Variants in ARPC4 observed in about 807,000 individuals in gnomAD.
ARPC4 encodes actin-related protein 2/3 complex subunit 4.
Under a neutral mutation model 22.8 loss-of-function variants are expected in ARPC4, and 3 were observed. That is an observed-to-expected ratio of 0.13 (90% CI 0.06 to 0.34). The LOEUF is 0.34. ARPC4 is among the 10% of genes least tolerant of loss of function. ARPC4 has a pLI of 1.00. For synonymous variants in ARPC4, 80 were observed against 72.5 expected (o/e 1.10, Z -0.52); for missense variants, 98 against 211.0 (o/e 0.46, Z 3.32).
intron 4 of ARPC4, 67 bp downstream of exon 4, chr3:9,801,823 T>C: frequency 8.2e-6 from 12 of 1,463,392 alleles, no homozygotes; most frequent in South Asian, 6.4e-5. Context: ...TGGGATTGTT[T>C]CTAGAACCAG....
intron 5 of ARPC4, among the ~76,000 whole-genome samples, chr3:9,804,913 G>T: frequency 6.6e-6 from 1 of 152,198 alleles, no homozygotes; most frequent in Non-Finnish European, 1.5e-5. Context: ...AGGCTCCACC[G>T]CCTACTCAGG....
intron 1 of ARPC4, among the ~76,000 whole-genome samples, chr3:9,796,769 G>C (rs189066063): frequency 2.0e-5 from 3 of 151,792 alleles, no homozygotes; most frequent in East Asian, 1.9e-4. Flanking sequence ...GTGAAACCCT[G>C]TCTCTACTAA....
At chr3:9,796,441 TAATA>T (rs2078888659) in intron 1 of ARPC4, among the ~76,000 whole-genome samples, 1 of 152,190 alleles carries the variant, frequency 6.6e-6, no homozygotes, top group Non-Finnish European at 1.5e-5. Flanking sequence ...TTGTCAATTG[TAATA>T]AATACTTTAT....
At chr3:9,797,933 G>C (rs2078929716) in intron 2 of ARPC4, 156 bp downstream of exon 2, 2 of 796,704 alleles carry the variant, frequency 2.5e-6, no homozygotes, top group African/African-American at 1.7e-5. Context: ...CCAATTTGGA[G>C]TTAAGAAAAT....
At chr3:9,801,215 A>G (rs1231093439) in intron 3 of ARPC4, among the ~76,000 whole-genome samples, 2 of 133,718 alleles carry the variant, frequency 1.5e-5, no homozygotes, top group African/African-American at 6.7e-5. Context: ...CATCTCAGAA[A>G]AAAAAAAAAA....
chr3:9,797,601 C>T (rs571685591), intron 1 of ARPC4, 58 bp from the exon 2 acceptor site: 48 of 1,567,418 alleles, frequency 3.1e-5, no homozygotes, highest in Non-Finnish European at 3.5e-5. Context: ...AATAGGGGAT[C>T]GGTGGGTTTG....
At chr3:9,801,134 C>T (rs1286200687) in intron 3 of ARPC4, among the ~76,000 whole-genome samples, 2 of 142,358 alleles carry the variant, frequency 1.4e-5, no homozygotes, top group South Asian at 2.4e-4. Flanking sequence ...TCGCTTGAAC[C>T]CGGGAGGCAG....
chr3:9,804,138 C>T lies in ARPC4; in HGVS notation c.501+125C>T, dbSNP rs898749664. 1.7e-5 allele frequency: 18 copies of T among 1,086,898 alleles called. No individual in the cohort carries two copies. The African/African-American group carries it at 2.5e-4, about 15-fold the overall frequency. The allele number at this position is 1,086,898 out of a possible 1,614,324, so 67.3% of individuals were successfully genotyped here. ...TATATCTCCTGAGCTCTCTAGGACC[C>T]CTGGGGCACAGCAGGTCAGTCAGGT... On this transcript the variant is annotated intron_variant, in intron 5 of 5. Coordinates refer to ENST00000397261, the MANE Select transcript of ARPC4 (RefSeq NM_005718.5).
chr3:9,801,877 C>A, intron 4 of ARPC4, 121 bp downstream of exon 4: 2 of 1,039,840 alleles, frequency 1.9e-6, no homozygotes, highest in Non-Finnish European at 2.7e-6. Context: ...TGAGAGTTGG[C>A]CTTCATCTTG....
chr3:9,806,516 CTTTTTTTTTT>C lies in ARPC4; in HGVS notation c.*313_*322del, dbSNP rs55966635. On this transcript the variant is annotated 3_prime_UTR_variant, in exon 6 of 6. Coordinates refer to ENST00000397261, the MANE Select transcript of ARPC4 (RefSeq NM_005718.5). ...TTGTAGGATACTGTAACCTTTTTGT[CTTTTTTTTTT>C]TTTTTTTTTTTAAACCTCCACCTCC... The C allele has an allele frequency of 8.6e-6, 2 of 232,370 alleles. No homozygotes were observed. Among genetic ancestry groups the C allele is most frequent in the African/African-American group, 5.6e-5 (2 of 35,904 alleles). 14.4% of individuals were successfully genotyped at this position (232,370 alleles called of 1,614,324 possible).
intron 2 of ARPC4, 32 bp from the exon 3 acceptor site, chr3:9,800,153 A>G (rs774210923): frequency 6.2e-7 from 1 of 1,610,064 alleles, no homozygotes; most frequent in South Asian, 1.1e-5. Flanking sequence ...ATCCCTCTGT[A>G]GTACAAGTAC....
chr3:9,803,193 G>C (rs1212634988), intron 4 of ARPC4, among the ~76,000 whole-genome samples: 1 of 152,178 alleles, frequency 6.6e-6, no homozygotes, highest in Non-Finnish European at 1.5e-5. Flanking sequence ...CACTGAATCA[G>C]TCTCTTAAAG....
intron 2 of ARPC4, among the ~76,000 whole-genome samples, chr3:9,799,432 C>T (rs189242819): frequency 1.6e-4 from 25 of 151,748 alleles, no homozygotes; most frequent in South Asian, 1.2e-3. Flanking sequence ...TGTCAGCACT[C>T]GGAAACTTTC....
At chr3:9,792,598 G>C (rs981450965), upstream of ARPC4, 17 of 1,230,424 alleles carry the variant, frequency 1.4e-5, no homozygotes, top group African/African-American at 1.6e-5. Flanking sequence ...TGGGGTGCGG[G>C]TGGTCGGCCT....
intron 2 of ARPC4, among the ~76,000 whole-genome samples, chr3:9,798,873 AAAAATAAAAT>A (rs5846647): frequency 0.41 from 62,185 of 150,852 alleles, 13,943 homozygotes; most frequent in Non-Finnish European, 0.5. Flanking sequence ...ACTTCGTCTC[AAAAATAAAAT>A]AAAATAAAAT....
At chr3:9,792,617 CCCCGGGGCACAG>C, upstream of ARPC4, 10 of 1,230,354 alleles carry the variant, frequency 8.1e-6, no homozygotes, top group Non-Finnish European at 8.1e-6. Context: ...CTCAGGCGAG[CCCCGGGGCACAG>C]CCCGGGGCGG....
intron 1 of ARPC4, among the ~76,000 whole-genome samples, chr3:9,793,820 C>G (rs541176524): frequency 6.6e-6 from 1 of 152,274 alleles, no homozygotes; most frequent in African/African-American, 2.4e-5. Context: ...ATGACCATCT[C>G]CCTCTTCGTC....
At chr3:9,796,522 G>C (rs896323582) in intron 1 of ARPC4, among the ~76,000 whole-genome samples, 49 of 152,324 alleles carry the variant, frequency 3.2e-4, no homozygotes, top group African/African-American at 1.1e-3. Flanking sequence ...GGATGACTTA[G>C]GCAAAGAAAG....
At chr3:9,792,818 A>ATACC, upstream of ARPC4, 1 of 1,351,996 alleles carries the variant, frequency 7.4e-7, no homozygotes, top group African/African-American at 1.5e-5. Flanking sequence ...GTACCATTGC[A>ATACC]TACCTGGGGG....
Sources: allele counts gnomAD v4.1 joint callset (sites outside exome capture counted in the v4.1 genomes callset), GRCh38; gene constraint gnomAD v4.1.1; transcripts MANE v1.5; gene names NCBI Gene and HGNC (gene_info 2026-07-23, HGNC 2026-07-21).